SYNRG: variants seen among roughly 807,000 people sequenced by gnomAD.
SYNRG encodes AP1 gamma subunit binding protein 1.
A neutral mutation model predicts 130.9 loss-of-function variants in SYNRG; 37 were observed. That is an observed-to-expected ratio of 0.28 (90% CI 0.22 to 0.37). The LOEUF (loss-of-function observed/expected upper bound fraction) is 0.37. SYNRG is among the 10% of genes least tolerant of loss of function. The pLI is 1.00. For synonymous variants in SYNRG, 539 were observed against 568.1 expected (o/e 0.95, Z 0.73); for missense variants, 1,338 against 1,588.9 (o/e 0.84, Z 2.68).
At chr17:37,550,851 T>C (rs1259725909) in intron 14 of SYNRG, among the ~76,000 whole-genome samples, 1 of 152,194 alleles carries the variant, frequency 6.6e-6, no homozygotes, top group Non-Finnish European at 1.5e-5. Flanking sequence ...TAAAACCATA[T>C]GATTTTAATG....
intron 6 of SYNRG, among the ~76,000 whole-genome samples, chr17:37,582,431 T>C (rs1598500169): frequency 6.6e-6 from 1 of 152,238 alleles, no homozygotes; most frequent in South Asian, 2.1e-4. Flanking sequence ...AAATGGACCC[T>C]ATTTCCTTGG....
intron 19 of SYNRG, among the ~76,000 whole-genome samples, chr17:37,530,100 T>C (rs2056462546): frequency 6.6e-6 from 1 of 152,264 alleles, no homozygotes; most frequent in East Asian, 1.9e-4. Context: ...TCATTAACCT[T>C]GATGCCAAAA....
At position 37,586,456 on chromosome 17, in the gene SYNRG, T is replaced by G. The variant is rs749328257; in HGVS notation, c.334A>C (p.Thr112Pro). The stretch of plus-strand genomic sequence containing the variant: ...GCAAACTGCTTCTGCATGTCTGGAG[T>G]GTACTGTGGGCCTGGAGGACGCATG... ...LGMRPPGPQY[T>P]PDMQKQFAEE... is the part of the protein sequence containing the mutation. The change falls in exon 4 of 22, where the codon ACT becomes CCT. Residue 112 changes from threonine to proline, a missense_variant. Transcript: ENST00000612223. The G allele has an allele frequency of 1.2e-6, 2 of 1,614,144 alleles. No homozygotes were observed. Among genetic ancestry groups the G allele is most frequent in the Admixed American group, 3.3e-5 (2 of 60,006 alleles).
intron 14 of SYNRG, among the ~76,000 whole-genome samples, chr17:37,551,764 C>G (rs913980377): frequency 3.3e-5 from 5 of 150,664 alleles, no homozygotes; most frequent in African/African-American, 1.2e-4. Context: ...TTGCAACCAA[C>G]TGCTGTGGTT....
At chr17:37,607,955 C>CAAA (rs67822733) in intron 1 of SYNRG, among the ~76,000 whole-genome samples, 216 of 51,028 alleles carry the variant, frequency 4.2e-3, no homozygotes, top group Non-Finnish European at 5.7e-3. Flanking sequence ...GACTTCCTCT[C>CAAA]AAAAAAAAAA....
In SYNRG at chr17:37,571,774, T is replaced by A. The variant is rs2060452092; in HGVS notation, c.1098+17A>T. ...ATTAATAAAGTTATTTGATCTAACT[T>A]AAGAAACATTGTTTACCTGTGTTAC... is the stretch of plus-strand genomic sequence containing the variant. On this transcript the variant is annotated intron_variant, in intron 9 of 21. Coordinates refer to ENST00000612223, the MANE Select transcript of SYNRG (RefSeq NM_007247.6). The A allele has an allele frequency of 1.9e-6, 3 of 1,590,806 alleles. No individual in the cohort carries two copies. The highest frequency in any genetic ancestry group is 2.6e-6 in the Non-Finnish European group (3 of 1,170,094).
intron 15 of SYNRG, chr17:37,541,324 G>GA (rs1377763897): frequency 1.1e-6 from 1 of 914,058 alleles, no homozygotes. Context: ...CAAGTAAAGT[G>GA]AACAACTTAA....
At chr17:37,570,514 A>T in intron 10 of SYNRG, 123 bp downstream of exon 10, 1 of 1,310,438 alleles carries the variant, frequency 7.6e-7, no homozygotes, top group African/African-American at 1.5e-5. Context: ...TCTGAAAGAT[A>T]CAACCTAAGA....
At chr17:37,529,545 A>G (rs1160529297) in intron 19 of SYNRG, among the ~76,000 whole-genome samples, 2 of 122,228 alleles carry the variant, frequency 1.6e-5, no homozygotes, top group African/African-American at 5.6e-5. Context: ...TTACAAAAAA[A>G]AAAAAAAAAA....
At chr17:37,585,267 G>A in intron 5 of SYNRG, 58 bp downstream of exon 5, 3 of 1,368,052 alleles carry the variant, frequency 2.2e-6, no homozygotes, top group Non-Finnish European at 2.0e-6. Context: ...TCAATGAGTG[G>A]GAAGAGGCAC....
intron 13 of SYNRG, among the ~76,000 whole-genome samples, chr17:37,555,874 C>G (rs2059082050): frequency 6.6e-6 from 1 of 151,966 alleles, no homozygotes; most frequent in Non-Finnish European, 1.5e-5. Flanking sequence ...CCGCTGCACT[C>G]CAGCCTGGGG....
At chr17:37,559,553 G>A (rs1257804229) in intron 13 of SYNRG, among the ~76,000 whole-genome samples, 2 of 152,174 alleles carry the variant, frequency 1.3e-5, no homozygotes, top group African/African-American at 4.8e-5. Context: ...AGTCAGGCAT[G>A]GTGGCAGGTA....
rs1472570052 is a variant in SYNRG, at chr17:37,515,289, AG to A, written c.*3650del. On this transcript the variant is annotated 3_prime_UTR_variant, in exon 22 of 22. Transcript: ENST00000612223. ...ACACACTTACCTGAAGAAATAAGTAAGTAACTTAAACATAAAAAACATAGTC... is the reference window on the plus strand; with the variant it reads ...ACACACTTACCTGAAGAAATAAGTAATAACTTAAACATAAAAAACATAGTC... 3 of 152,200 alleles carry A rather than the reference AG, an allele frequency of 2.0e-5. No individual in the cohort carries two copies. The highest frequency in any genetic ancestry group is 4.4e-5 in the Non-Finnish European group (3 of 68,040). 9.4% of individuals were successfully genotyped at this position (152,200 alleles called of 1,614,324 possible).
At position 37,576,815 on chromosome 17, in the gene SYNRG, A is replaced by C. The variant is rs180705166; in HGVS notation, c.824-397T>G. ...TACTAATGCTTCTTTGCAAAGTTTC[A>C]TTGTTTTTTAACCTACATATGATAC... On this transcript the variant is annotated intron_variant, in intron 7 of 21. Coordinates refer to ENST00000612223, the MANE Select transcript of SYNRG (RefSeq NM_007247.6). Among the ~76,000 whole-genome samples, 9 of 152,240 alleles carry C rather than the reference A, an allele frequency of 5.9e-5. 1 individual carries two copies. The East Asian group carries it at 1.7e-3, about 29-fold the overall frequency.
At chr17:37,586,998 G>T (rs943224195) in intron 3 of SYNRG, among the ~76,000 whole-genome samples, 1 of 152,106 alleles carries the variant, frequency 6.6e-6, no homozygotes, top group African/African-American at 2.4e-5. Context: ...ATATATATGA[G>T]AGGATAATGA....
At chr17:37,564,162 G>C (rs1210849022) in intron 11 of SYNRG, among the ~76,000 whole-genome samples, 1 of 151,998 alleles carries the variant, frequency 6.6e-6, no homozygotes, top group Non-Finnish European at 1.5e-5. Flanking sequence ...TGGCCCCCTT[G>C]TTAACTTTTC....
intron 3 of SYNRG, among the ~76,000 whole-genome samples, chr17:37,595,066 T>A (rs966855117): frequency 1.3e-5 from 2 of 152,210 alleles, no homozygotes; most frequent in African/African-American, 2.4e-5. Context: ...CACTGAGATC[T>A]GGGGACTGTT....
At chr17:37,580,506 T>TGAGAGA (rs1282046342) in intron 6 of SYNRG, among the ~76,000 whole-genome samples, 1 of 114,124 alleles carries the variant, frequency 8.8e-6, no homozygotes, top group Non-Finnish European at 1.8e-5. Flanking sequence ...TGTGTGTGTG[T>TGAGAGA]GTGTGAGAGA....
In SYNRG at chr17:37,553,283, C is replaced by A. The variant is rs1268006143; in HGVS notation, c.2440G>T (p.Asp814Tyr). Residue 814 changes from aspartate to tyrosine, a missense_variant, in exon 14 of 22, where the codon GAT becomes TAT. This residue lies in a region of SYNRG where 1,146 missense variants were observed against 1,342.3 expected (regional missense o/e 0.85). Coordinates refer to ENST00000612223, the MANE Select transcript of SYNRG (RefSeq NM_007247.6). ...CTGCTGCCACCAATGGAAGGGAGAT[C>A]TAAGGACTTCACTGATGCAGAGTCT... is the stretch of plus-strand genomic sequence containing the variant. ...KEDSASVKSL[D>Y]LPSIGGSSVG... 6.2e-7 allele frequency: 1 copy of A among 1,614,056 alleles called. No individual in the cohort carries two copies. The highest frequency in any genetic ancestry group is 2.2e-5 in the East Asian group (1 of 44,892).
Sources: allele counts gnomAD v4.1 joint callset (sites outside exome capture counted in the v4.1 genomes callset), GRCh38; gene constraint gnomAD v4.1.1; regional missense constraint gnomAD v4.1.1; transcripts MANE v1.5; gene names NCBI Gene and HGNC (gene_info 2026-07-23, HGNC 2026-07-21).